The following TMEM181 variants were observed in gnomAD, a reference collection of about 807,000 sequenced individuals.
TMEM181 encodes the protein G protein-coupled receptor 178.
TMEM181 carries 39 observed loss-of-function variants against 71.9 expected under a neutral mutation model. The observed-to-expected ratio is 0.54, with a 90% CI of 0.42 to 0.71. TMEM181 has a LOEUF of 0.71. Ranked by LOEUF, TMEM181 falls within the 30% of genes least tolerant of loss-of-function variation. The pLI is 0.00. For synonymous variants in TMEM181, 245 were observed against 228.8 expected, an observed-to-expected ratio of 1.07 and a Z score of -0.64; for missense variants, 595 against 583.0, an observed-to-expected ratio of 1.02 and a Z score of -0.21.
chr6:158,568,225 A>G (rs1782620026), intron 1 of TMEM181, among the ~76,000 whole-genome samples: 1 of 152,106 alleles, frequency 6.6e-6, no homozygotes, highest in African/African-American at 2.4e-5. Flanking sequence ...TGGGCAGTGG[A>G]AGCGGGCTTT....
At chr6:158,629,390 G>T (rs1181972155) in intron 14 of TMEM181, among the ~76,000 whole-genome samples, 1 of 152,122 alleles carries the variant, frequency 6.6e-6, no homozygotes, top group Non-Finnish European at 1.5e-5. Flanking sequence ...TTCACCGTAT[G>T]CCCGTGGCCT....
At chr6:158,630,850 G>A (rs2128333484) in intron 15 of TMEM181, among the ~76,000 whole-genome samples, 1 of 151,846 alleles carries the variant, frequency 6.6e-6, no homozygotes, top group South Asian at 2.1e-4. Context: ...ATCTTATAGT[G>A]GGCTAGCACT....
chr6:158,554,426 G>T (rs1781814291), intron 1 of TMEM181, among the ~76,000 whole-genome samples: 1 of 151,840 alleles, frequency 6.6e-6, no homozygotes, highest in South Asian at 2.1e-4. Context: ...TGCCATGTTG[G>T]CCAGGCTGGT....
chr6:158,631,236 TC>T (rs1786647190), intron 15 of TMEM181, 86 bp from the exon 16 acceptor site: 10 of 1,387,004 alleles, frequency 7.2e-6, no homozygotes, highest in Non-Finnish European at 8.2e-6. Flanking sequence ...TCTTTCCAAC[TC>T]CCTTCCTTTG....
chr6:158,549,145 T>C (rs1341582447), intron 1 of TMEM181, among the ~76,000 whole-genome samples: 2 of 133,466 alleles, frequency 1.5e-5, no homozygotes, highest in African/African-American at 5.8e-5. Context: ...TGAGACAGGG[T>C]CTCTCTCTGT....
At chr6:158,615,702 T>C (rs1305658308) in intron 10 of TMEM181, among the ~76,000 whole-genome samples, 1 of 152,242 alleles carries the variant, frequency 6.6e-6, no homozygotes, top group Non-Finnish European at 1.5e-5. Context: ...TTTCTACATA[T>C]GGCTAGCCAG....
In TMEM181 at chr6:158,610,609, C is replaced by T. The variant is rs940272715; in HGVS notation, c.896+1859C>T. 5.4e-6 allele frequency: 2 copies of T among 369,128 alleles called. 1 individual carries two copies. Among genetic ancestry groups the T allele is most frequent in the Non-Finnish European group, 9.4e-6 (2 of 213,638 alleles). The allele number at this position is 369,128 out of a possible 1,614,324, so 22.9% of individuals were successfully genotyped here. A position where few individuals can be genotyped will look rare whatever the true frequency, so the allele number is the denominator to read the frequency against. On this transcript the variant is annotated intron_variant, in intron 10 of 16. Transcript: ENST00000684151. ...CTTGGAATGTTCTTCTTTGCTTCAC[C>T]TCTTTTCCTCCCGAGCTTCTGGAGA...
chr6:158,541,444 A>G (rs1202525698), intron 1 of TMEM181, among the ~76,000 whole-genome samples: 2 of 118,538 alleles, frequency 1.7e-5, no homozygotes, highest in Admixed American at 1.7e-4. Context: ...AAAAACAAAA[A>G]ACAAAAGAAT....
At chr6:158,558,453 C>G (rs1395141838), upstream of TMEM181, among the ~76,000 whole-genome samples, 1 of 152,172 alleles carries the variant, frequency 6.6e-6, no homozygotes, top group Non-Finnish European at 1.5e-5. Flanking sequence ...CCCTCAGAAC[C>G]AACAGGTTCA....
At chr6:158,585,188 G>T in intron 4 of TMEM181, 116 bp from the exon 5 acceptor site, 1 of 1,160,450 alleles carries the variant, frequency 8.6e-7, no homozygotes, top group Non-Finnish European at 1.2e-6. Context: ...GGCCAATGTG[G>T]CCTAAGGACC....
intron 16 of TMEM181, among the ~76,000 whole-genome samples, 186 bp from the exon 17 acceptor site, chr6:158,631,624 G>A (rs1035829216): frequency 2.0e-5 from 3 of 152,214 alleles, no homozygotes; most frequent in Non-Finnish European, 4.4e-5. Context: ...TGTGCTTTCT[G>A]GACTGATGGG....
exon 1 of TMEM181, chr6:158,536,702 G>C (rs748501688): frequency 6.5e-7 from 1 of 1,544,020 alleles, no homozygotes; most frequent in Non-Finnish European, 8.7e-7. Flanking sequence ...AAAGGGTGGA[G>C]CGGCGGGACC....
At chr6:158,605,242 T>C in intron 6 of TMEM181, 25 bp from the exon 7 acceptor site, 1 of 1,599,156 alleles carries the variant, frequency 6.3e-7, no homozygotes, top group East Asian at 2.2e-5. Flanking sequence ...TTTTTTCAAA[T>C]TGTTTTCTCC....
At chr6:158,572,459 C>T (rs1159395592) in intron 1 of TMEM181, 10 of 456,738 alleles carry the variant, frequency 2.2e-5, no homozygotes, top group Non-Finnish European at 3.1e-5. Flanking sequence ...CAGCGCCGCA[C>T]GTCCCTCTGG....
chr6:158,579,555 A>T (rs1783356092), intron 2 of TMEM181, among the ~76,000 whole-genome samples: 1 of 151,710 alleles, frequency 6.6e-6, no homozygotes, highest in East Asian at 2.0e-4. Context: ...CCCCATCTCT[A>T]CTAAAATGCA....
At position 158,633,658 on chromosome 6, in the gene TMEM181, C is replaced by T. The variant is rs554822106; in HGVS notation, c.*1770C>T. On this transcript the variant is annotated 3_prime_UTR_variant, in exon 17 of 17. Coordinates refer to ENST00000684151, the MANE Select transcript of TMEM181 (RefSeq NM_001376852.1). ...TGTTATGACTTTCCTTTGTATCTTT[C>T]CTTTTAATTTAAACTTTAATGATAA... is the stretch of plus-strand genomic sequence containing the variant. The T allele has an allele frequency of 6.6e-6, 1 of 152,224 alleles. No individual in the cohort carries two copies. The highest frequency in any genetic ancestry group is 6.5e-5 in the Admixed American group (1 of 15,298). 9.4% of individuals were successfully genotyped at this position (152,224 alleles called of 1,614,324 possible).
chr6:158,624,373 T>C (rs2128328042), intron 11 of TMEM181, among the ~76,000 whole-genome samples: 1 of 152,338 alleles, frequency 6.6e-6, no homozygotes, highest in East Asian at 1.9e-4. Context: ...TGCTGTCCTG[T>C]GCTCTGAGCC....
In TMEM181 at chr6:158,585,413, C is replaced by G; in HGVS notation, c.369C>G (p.Leu123=). 1 of 1,608,498 alleles carries G rather than the reference C, an allele frequency of 6.2e-7. No individual in the cohort carries two copies. Among genetic ancestry groups the G allele is most frequent in the Non-Finnish European group, 8.5e-7 (1 of 1,178,090 alleles). ...HNKVHNRTRT[L]TCAGKCAEII... ...AAGTTCACAACCGGACAAGGACCCT[C>G]ACATGTGCAGGGGTGAGTGTGTGGG... The change falls in exon 5 of 17, where the codon CTC becomes CTG. Residue 123 remains leucine (L), a synonymous_variant. Transcript: ENST00000684151.
chr6:158,631,251 G>A (rs946434287), intron 15 of TMEM181, 72 bp from the exon 16 acceptor site: 43 of 1,504,874 alleles, frequency 2.9e-5, no homozygotes, highest in Middle Eastern at 3.4e-4. Context: ...TCCTTTGTCC[G>A]GGACAGCATC....
Sources: allele counts gnomAD v4.1 joint callset (sites outside exome capture counted in the v4.1 genomes callset), GRCh38; gene constraint gnomAD v4.1.1; transcripts MANE v1.5; gene names NCBI Gene and HGNC (gene_info 2026-07-23, HGNC 2026-07-21).